Variants in ZDHHC6 observed in about 807,000 individuals in gnomAD.
ZDHHC6 encodes zDHHC palmitoyltransferase 6, also known as palmitoyltransferase ZDHHC6.
Under a neutral mutation model 57.8 loss-of-function variants are expected in ZDHHC6, and 32 were observed. That is an observed-to-expected ratio of 0.55 (90% CI 0.42 to 0.74). ZDHHC6 has a LOEUF of 0.74. Ranked by LOEUF, ZDHHC6 falls within the 30% of genes least tolerant of loss-of-function variation. The probability of loss-of-function intolerance (pLI) is 0.00; values close to 1 mark genes in which losing one functional copy is unlikely to be tolerated. For synonymous variants in ZDHHC6, 128 were observed against 158.0 expected, an observed-to-expected ratio of 0.81 and a Z score of 1.42; for missense variants, 433 against 500.7, an observed-to-expected ratio of 0.86 and a Z score of 1.29.
downstream of ZDHHC6, among the ~76,000 whole-genome samples, chr10:112,428,946 T>C (rs1409018967): frequency 6.6e-6 from 1 of 152,204 alleles, no homozygotes; most frequent in Non-Finnish European, 1.5e-5. Context: ...GACCAAACCT[T>C]CTTATCCCAT....
downstream of ZDHHC6, chr10:112,427,560 C>T (rs535534248): frequency 2.1e-5 from 9 of 419,932 alleles, no homozygotes; most frequent in East Asian, 4.2e-5. Flanking sequence ...TTCCCATCTT[C>T]GATGTTGCTA....
downstream of ZDHHC6, chr10:112,426,285 G>C (rs752305238): frequency 6.2e-7 from 1 of 1,613,986 alleles, no homozygotes; most frequent in Non-Finnish European, 8.5e-7. Flanking sequence ...GGTGGTTCCT[G>C]ACACAGATGT....
At chr10:112,442,449 G>T in intron 3 of ZDHHC6, 98 bp from the exon 4 acceptor site, 1 of 1,200,656 alleles carries the variant, frequency 8.3e-7, no homozygotes, top group Non-Finnish European at 1.1e-6. Context: ...AATCCAGCAT[G>T]TCCATGAGCT....
At chr10:112,435,308 T>C (rs1329523368) in intron 6 of ZDHHC6, among the ~76,000 whole-genome samples, 2 of 152,208 alleles carry the variant, frequency 1.3e-5, no homozygotes, top group South Asian at 2.1e-4. Context: ...GTAATTTCTA[T>C]ACATTTCCTA....
downstream of ZDHHC6, chr10:112,427,318 G>A (rs147956544): frequency 1.9e-5 from 30 of 1,613,390 alleles, no homozygotes; most frequent in East Asian, 4.2e-4. Flanking sequence ...AAATACTTTC[G>A]GACCCAAATT....
chr10:112,445,256 AC>A lies in ZDHHC6; in HGVS notation c.180del (p.Met60IlefsTer2). 6.2e-7 allele frequency: 1 copy of A among 1,614,216 alleles called. No homozygotes were observed. Among genetic ancestry groups the A allele is most frequent in the East Asian group, 2.2e-5 (1 of 44,884 alleles). On this transcript the variant is annotated frameshift_variant, in exon 2 of 11. Transcript: ENST00000369405. LOFTEE classifies it high-confidence loss of function. ...AGAATCATGACAGTCCAATTTATCA[AC>A]ATGATGAAATTCACACTTCCTCCAG... ...HTTGGSVNFI[M>X]LINWTVMILY...
chr10:112,445,322 T>C lies in ZDHHC6; in HGVS notation c.115A>G (p.Met39Val), dbSNP rs1052143179. Residue 39 changes from methionine to valine, a missense_variant, in exon 2 of 11, where the codon ATG (methionine) becomes GTG (valine). Met to Val is a conservative substitution (Grantham distance 21, BLOSUM62 1). Coordinates refer to ENST00000369405, the MANE Select transcript of ZDHHC6 (RefSeq NM_022494.3). ...GVIAICSTMA[M>V]IDSVLWYWPL... ...CAATACCACAACACAGAGTCAATCA[T>C]GGCCATGGTAGAACATATTGCTATA... The C allele has an allele frequency of 5.0e-6, 8 of 1,614,114 alleles. No individual in the cohort carries two copies. The highest frequency in any genetic ancestry group is 5.9e-6 in the Non-Finnish European group (7 of 1,180,058).
Position 112,430,856 on chromosome 10 carries a change from G to T in ZDHHC6, c.1190C>A (p.Pro397His). The T allele has an allele frequency of 6.2e-7, 1 of 1,613,728 alleles. No individual in the cohort carries two copies. Among genetic ancestry groups the T allele is most frequent in the Admixed American group, 1.7e-5 (1 of 59,986 alleles). The change falls in exon 11 of 11, where the codon CCC (proline) becomes CAC (histidine). Residue 397 changes from proline (P) to histidine (H), a missense_variant. Coordinates refer to ENST00000369405, the MANE Select transcript of ZDHHC6 (RefSeq NM_022494.3). ...GGCTTGATCTGTTTCAGCATCACAGGGACACTTTTCCACACATTTTCTAGG... is the reference window on the plus strand; with the variant it reads ...GGCTTGATCTGTTTCAGCATCACAGTGACACTTTTCCACACATTTTCTAGG... ...WFPRKCVEKC[P>H]CDAETDQAPE...
At chr10:112,437,284 A>T (rs1012157683) in intron 6 of ZDHHC6, among the ~76,000 whole-genome samples, 2 of 152,240 alleles carry the variant, frequency 1.3e-5, no homozygotes, top group Non-Finnish European at 2.9e-5. Context: ...AACGTTTGCA[A>T]AATCTACATA....
At chr10:112,427,153 CAG>C, downstream of ZDHHC6, 8 of 1,524,032 alleles carry the variant, frequency 5.2e-6, no homozygotes, top group South Asian at 5.1e-5. Flanking sequence ...ACAGAGCACT[CAG>C]GGGGCTCTGC....
chr10:112,431,005 A>T, intron 10 of ZDHHC6, 98 bp from the exon 11 acceptor site: 1 of 992,524 alleles, frequency 1.0e-6, no homozygotes, highest in East Asian at 2.5e-5. Context: ...ATAAGCTTGT[A>T]GTTAGACTTT....
downstream of ZDHHC6, chr10:112,426,403 T>C: frequency 6.5e-7 from 1 of 1,533,080 alleles, no homozygotes; most frequent in East Asian, 2.2e-5. Flanking sequence ...CATGGGCCCA[T>C]CGTGGAGGAG....
chr10:112,446,370 A>C (rs1169028707), intron 1 of ZDHHC6, among the ~76,000 whole-genome samples: 4 of 152,178 alleles, frequency 2.6e-5, no homozygotes, highest in Non-Finnish European at 5.9e-5. Flanking sequence ...GGAAGAAAGA[A>C]GAGGAAGTGC....
chr10:112,425,544 AG>A, downstream of ZDHHC6: 2 of 1,373,236 alleles, frequency 1.5e-6, no homozygotes, highest in Non-Finnish European at 1.9e-6. Flanking sequence ...TTGTAGCTAC[AG>A]GAAATTTGTA....
At chr10:112,434,072 G>A (rs1845289779) in intron 7 of ZDHHC6, among the ~76,000 whole-genome samples, 1 of 152,168 alleles carries the variant, frequency 6.6e-6, no homozygotes, top group South Asian at 2.1e-4. Context: ...ATAAAACTAT[G>A]TTAAGGGATC....
At position 112,442,255 on chromosome 10, in the gene ZDHHC6, T is replaced by C. The variant is rs1397865255; in HGVS notation, c.456A>G (p.Pro152=). ...TGAAAGCAGCATGGATACAACCCAGTGGTGCTAAAAGGAGAAACAGTGTGA... is the reference window on the plus strand; with the variant it reads ...TGAAAGCAGCATGGATACAACCCAGCGGTGCTAAAAGGAGAAACAGTGTGA... ...ASFTLFLLLA[P]LGCIHAAFIF... Residue 152 remains proline, a synonymous_variant, in exon 4 of 11, where the codon CCA becomes CCG. Transcript: ENST00000369405. 8 of 1,614,036 alleles carry C rather than the reference T, an allele frequency of 5.0e-6. No individual in the cohort carries two copies. The highest frequency in any genetic ancestry group is 1.1e-5 in the South Asian group (1 of 91,066).
At chr10:112,431,853 G>A (rs975238271) in intron 10 of ZDHHC6, among the ~76,000 whole-genome samples, 4 of 152,194 alleles carry the variant, frequency 2.6e-5, no homozygotes, top group African/African-American at 9.7e-5. Context: ...GAGTCAGACT[G>A]CTTGGGGTTA....
rs1199171171 is a variant in ZDHHC6 at position 112,443,556 on chromosome 10, T to A, written c.318A>T (p.Ala106=). ...MYLQYCKVCQ[A]YKAPRSHHCR... ...AGTGATGTGAACGTGGTGCCTTGTATGCTTGGCAGACTTTACAATACTGGA... is the reference window on the plus strand; with the variant it reads ...AGTGATGTGAACGTGGTGCCTTGTAAGCTTGGCAGACTTTACAATACTGGA... The change falls in exon 3 of 11, where the codon GCA becomes GCT. Residue 106 remains alanine (A), a synonymous_variant. Transcript: ENST00000369405. 1.2e-6 allele frequency: 2 copies of A among 1,613,998 alleles called. No individual in the cohort carries two copies. The highest frequency in any genetic ancestry group is 1.7e-6 in the Non-Finnish European group (2 of 1,179,896).
At chr10:112,426,166 T>A (rs1844694035), downstream of ZDHHC6, 2 of 992,606 alleles carry the variant, frequency 2.0e-6, no homozygotes, top group African/African-American at 3.2e-5. Flanking sequence ...AAATAACTAT[T>A]ACAATGACAT....
Sources: allele counts gnomAD v4.1 joint callset (sites outside exome capture counted in the v4.1 genomes callset), GRCh38; gene constraint gnomAD v4.1.1; transcripts MANE v1.5; gene names NCBI Gene and HGNC (gene_info 2026-07-23, HGNC 2026-07-21).